Variants in LRCH4 observed in about 807,000 individuals in gnomAD.
LRCH4 encodes the protein leucine-rich repeat and calponin homology domain-containing protein 4.
A neutral mutation model predicts 81.2 loss-of-function variants in LRCH4; 56 were observed. The ratio of observed to expected loss-of-function variants is 0.69; its 90% CI spans 0.56 to 0.86. The LOEUF (loss-of-function observed/expected upper bound fraction) is 0.86. Ranked by LOEUF, LRCH4 falls within the 40% of genes least tolerant of loss-of-function variation. The pLI, the probability that LRCH4 is intolerant of heterozygous loss-of-function variation, is 0.00. For synonymous variants in LRCH4, 442 were observed against 409.7 expected (o/e 1.08, Z -0.95); for missense variants, 895 against 922.8 (o/e 0.97, Z 0.39).
chr7:100,576,123 A>C (rs1801350624), intron 15 of LRCH4, 115 bp from the exon 16 acceptor site: 1 of 1,481,380 alleles, frequency 6.8e-7, no homozygotes, highest in Non-Finnish European at 9.2e-7. Context: ...TCCTGTCCTC[A>C]GGGGAGGTGC....
intron 14 of LRCH4, 38 bp downstream of exon 14, chr7:100,576,656 A>AAGCACTGGGTC: frequency 6.5e-7 from 1 of 1,527,870 alleles, no homozygotes; most frequent in Non-Finnish European, 8.9e-7. Flanking sequence ...TGGTGCTGGC[A>AAGCACTGGGTC]AGCACTGGGT....
intron 1 of LRCH4, chr7:100,584,897 AG>A: frequency 2.4e-6 from 1 of 410,194 alleles, no homozygotes; most frequent in South Asian, 1.8e-5. Flanking sequence ...TCGGGAATGC[AG>A]TCCTCCTCCC....
chr7:100,575,546 G>T lies in LRCH4; in HGVS notation c.1854+159C>A. ...ATGTGTAGGACAGGTGACATGCAGG[G>T]CAGGGGGCATGCAGGGCAGGGGGCA... On this transcript the variant is annotated intron_variant, in intron 17 of 17. Transcript: ENST00000310300. This position sits in a 1 kb window ranked among gnomAD's most constrained non-coding sequence, Gnocchi z 5.3. 1 of 948,370 alleles carries T rather than the reference G, an allele frequency of 1.1e-6. No individual in the cohort carries two copies. Among genetic ancestry groups the T allele is most frequent in the Non-Finnish European group, 1.7e-6 (1 of 582,896 alleles). 58.7% of individuals were successfully genotyped at this position (948,370 alleles called of 1,614,324 possible). A position where few individuals can be genotyped will look rare whatever the true frequency, so the allele number is the denominator to read the frequency against.
rs771090365 is a variant in LRCH4 at position 100,584,092 on chromosome 7, G to A, written c.221-1633C>T. 61 of 454,344 alleles carry A rather than the reference G, an allele frequency of 1.3e-4. 1 individual carries two copies. Among genetic ancestry groups the A allele is most frequent in the Non-Finnish European group, 2.6e-4 (58 of 225,258 alleles). 28.1% of individuals were successfully genotyped at this position (454,344 alleles called of 1,614,324 possible). A position where few individuals can be genotyped will look rare whatever the true frequency, so the allele number is the denominator to read the frequency against. ...CCAAGACTAGGCGACACGCAGCGAA[G>A]ACACTCAGAAAGAGATGGGAGACGG... On this transcript the variant is annotated intron_variant, in intron 1 of 17. Transcript: ENST00000310300.
intron 4 of LRCH4, chr7:100,580,879 TAC>T (rs926079648): frequency 1.3e-5 from 2 of 150,590 alleles, no homozygotes; most frequent in Non-Finnish European, 2.9e-5. Flanking sequence ...AACACATACA[TAC>T]ACACAGACAC....
rs373774291 is a variant in LRCH4, at chr7:100,577,604, G to A, written c.1117-46C>T. On this transcript the variant is annotated intron_variant, in intron 9 of 17. Transcript: ENST00000310300. This position sits in a 1 kb window ranked among gnomAD's most constrained non-coding sequence, Gnocchi z 6.7. ...CAGCTGAGGGCAGGCCTGTGCCCAC[G>A]CCTGCCCTGTCCCCTCCTCCAGCTC... 275 of 1,610,680 alleles carry A rather than the reference G, an allele frequency of 1.7e-4. No individual in the cohort carries two copies. Among genetic ancestry groups the A allele is most frequent in the South Asian group, 2.3e-4 (21 of 91,080 alleles).
intron 3 of LRCH4, 32 bp from the exon 4 acceptor site, chr7:100,581,914 T>A: frequency 6.2e-7 from 1 of 1,611,414 alleles, no homozygotes; most frequent in Non-Finnish European, 8.5e-7. Context: ...GAAGGGGCCA[T>A]GAGACCAGGC....
rs746531511 is a variant in LRCH4 at position 100,582,348 on chromosome 7, C to T, written c.332G>A (p.Gly111Glu). ...GAGGTAGGTGAGGGCTGTGAGATTC[C>T]CCAAGGCTGGGTTCAGGCATCTCAG... is the stretch of plus-strand genomic sequence containing the variant. Reference protein sequence around the residue: ...NCLRCLNPALGNLTALTYLNL... With the variant: ...NCLRCLNPALENLTALTYLNL... Residue 111 changes from glycine (G) to glutamate (E), a missense_variant, in exon 2 of 18, where the codon GGG becomes GAG. Physicochemically the swap from Gly to Glu is moderately conservative, Grantham distance 98 (BLOSUM62 -2). Transcript: ENST00000310300. The surrounding 1 kb of genome is among the most constrained non-coding windows in gnomAD (Gnocchi z 5.0). The T allele has an allele frequency of 3.1e-6, 5 of 1,614,184 alleles. No homozygotes were observed. The Admixed American group carries it at 6.7e-5, about 22-fold the overall frequency.
rs1801313314 is a variant in LRCH4, at chr7:100,575,319, A to G, written c.1855-15T>C. 1.3e-6 allele frequency: 2 copies of G among 1,529,118 alleles called. No homozygotes were observed. The highest frequency in any genetic ancestry group is 8.8e-7 in the Non-Finnish European group (1 of 1,133,224). 94.7% of individuals were successfully genotyped at this position (1,529,118 alleles called of 1,614,324 possible). A position where few individuals can be genotyped will look rare whatever the true frequency, so the allele number is the denominator to read the frequency against. ...CACAGGTCAGCCTGGGGGAGAGGAGAGCAGGTGGACAAGGACAAGGGACAG... is the reference window on the plus strand; with the variant it reads ...CACAGGTCAGCCTGGGGGAGAGGAGGGCAGGTGGACAAGGACAAGGGACAG... On this transcript the variant is annotated splice_polypyrimidine_tract_variant and intron_variant, in intron 17 of 17. Coordinates refer to ENST00000310300, the MANE Select transcript of LRCH4 (RefSeq NM_002319.5). The surrounding 1 kb of genome is among the most constrained non-coding windows in gnomAD (Gnocchi z 5.3).
rs1439965145 is a variant in LRCH4 at position 100,576,733 on chromosome 7, T to C, written c.1513A>G (p.Asn505Asp). The C allele has an allele frequency of 6.3e-7, 1 of 1,598,836 alleles. No homozygotes were observed. The highest frequency in any genetic ancestry group is 8.5e-7 in the Non-Finnish European group (1 of 1,172,784). ...GAGGAGGAACGGAAGAGGAAGCTGT[T>C]TGGTCTCTGAATGGAGCCAAGTGGC... Reference protein sequence around the residue: ...PRPLGSIQRPNSFLFRSSSQS... With the variant: ...PRPLGSIQRPDSFLFRSSSQS... The change falls in exon 14 of 18, where the codon AAC (asparagine) becomes GAC (aspartate). Residue 505 changes from asparagine (N) to aspartate (D), a missense_variant. By Grantham distance (23) the Asn-to-Asp change is conservative (BLOSUM62 1). Coordinates refer to ENST00000310300, the MANE Select transcript of LRCH4 (RefSeq NM_002319.5).
chr7:100,579,016 A>G, intron 4 of LRCH4: 1 of 552,632 alleles, frequency 1.8e-6, no homozygotes, highest in Non-Finnish European at 3.2e-6. Flanking sequence ...ACGTCAGCTC[A>G]GCTTCCCCGG....
Position 100,575,841 on chromosome 7 carries a change from T to C in LRCH4, c.1776+30A>G. 2.5e-6 allele frequency: 4 copies of C among 1,609,824 alleles called. No individual in the cohort carries two copies. The highest frequency in any genetic ancestry group is 2.7e-5 in the African/African-American group (2 of 74,848). On this transcript the variant is annotated intron_variant, in intron 16 of 17. Coordinates refer to ENST00000310300, the MANE Select transcript of LRCH4 (RefSeq NM_002319.5). The surrounding 1 kb of genome is among the most constrained non-coding windows in gnomAD (Gnocchi z 5.3). ...GAGAGGCCACAGGCGCCCCGGCCCA[T>C]CCCCCACCTCTTCCCCAGCCCCAAC...
rs1367293703 is a variant in LRCH4 at position 100,578,359 on chromosome 7, C to G, written c.848+40G>C. 4 of 1,602,744 alleles carry G rather than the reference C, an allele frequency of 2.5e-6. No homozygotes were observed. Among genetic ancestry groups the G allele is most frequent in the Non-Finnish European group, 3.4e-6 (4 of 1,170,188 alleles). ...GTGCCTGGGGCCGGGAAGGGGCATT[C>G]AGTATCCCAGGGCTTCCTTCCTCCC... On this transcript the variant is annotated intron_variant, in intron 6 of 17. Transcript: ENST00000310300. This position sits in a 1 kb window ranked among gnomAD's most constrained non-coding sequence, Gnocchi z 5.7.
At position 100,574,987 on chromosome 7, in the gene LRCH4, G is replaced by C; in HGVS notation, c.*120C>G. ...TGGGGCCTCTGAGGTCAGTGTCTGTGAAGGGGGTGCACTAGTGTCTTTGGT... is the reference window on the plus strand; with the variant it reads ...TGGGGCCTCTGAGGTCAGTGTCTGTCAAGGGGGTGCACTAGTGTCTTTGGT... On this transcript the variant is annotated 3_prime_UTR_variant, in exon 18 of 18. Coordinates refer to ENST00000310300, the MANE Select transcript of LRCH4 (RefSeq NM_002319.5). 2 of 968,568 alleles carry C rather than the reference G, an allele frequency of 2.1e-6. No individual in the cohort carries two copies. Among genetic ancestry groups the C allele is most frequent in the Admixed American group, 5.6e-5 (2 of 35,412 alleles). The allele number at this position is 968,568 out of a possible 1,614,324, so 60.0% of individuals were successfully genotyped here. A position where few individuals can be genotyped will look rare whatever the true frequency, so the allele number is the denominator to read the frequency against.
rs1220596344 is a variant in LRCH4, at chr7:100,577,738, C to G, written c.1042G>C (p.Asp348His). ...AAGTCAATCTGCACAGGGTCTCCGT[C>G]CGCTGGGGAGGCCAGCATGTCAGCA... is the stretch of plus-strand genomic sequence containing the variant. ...PRERKEDGSADGDPVQIDFID... is the reference protein window; with the variant it reads ...PRERKEDGSAHGDPVQIDFID... Residue 348 changes from aspartate to histidine, a missense_variant and splice_region_variant, in exon 9 of 18, where the codon GAC (aspartate) becomes CAC (histidine). Asp to His is a moderately conservative substitution (Grantham distance 81). This residue lies in a region of LRCH4 where 529 missense variants were observed against 504.9 expected (regional missense o/e 1.05). Coordinates refer to ENST00000310300, the MANE Select transcript of LRCH4 (RefSeq NM_002319.5). The surrounding 1 kb of genome is among the most constrained non-coding windows in gnomAD (Gnocchi z 6.7). 4.3e-6 allele frequency: 7 copies of G among 1,614,020 alleles called. No homozygotes were observed. The highest frequency in any genetic ancestry group is 5.9e-6 in the Non-Finnish European group (7 of 1,180,016).
At position 100,586,112 on chromosome 7, in the gene LRCH4, G is replaced by T. The variant is rs1341601963; in HGVS notation, c.-12C>A. 2 of 1,509,996 alleles carry T rather than the reference G, an allele frequency of 1.3e-6. No homozygotes were observed. The highest frequency in any genetic ancestry group is 1.8e-6 in the Non-Finnish European group (2 of 1,124,782). The allele number at this position is 1,509,996 out of a possible 1,614,324, so 93.5% of individuals were successfully genotyped here. A position where few individuals can be genotyped will look rare whatever the true frequency, so the allele number is the denominator to read the frequency against. On this transcript the variant is annotated 5_prime_UTR_variant, in exon 1 of 18. Coordinates refer to ENST00000310300, the MANE Select transcript of LRCH4 (RefSeq NM_002319.5). ...ACGGCCGCCGCCATCCGCTCCCGGCGGCTCCCGCTGCCTGACTGACGGGAC... is the reference window on the plus strand; with the variant it reads ...ACGGCCGCCGCCATCCGCTCCCGGCTGCTCCCGCTGCCTGACTGACGGGAC...
At chr7:100,580,312 C>T (rs1801487559) in intron 4 of LRCH4, 1 of 152,006 alleles carries the variant, frequency 6.6e-6, no homozygotes, top group African/African-American at 2.4e-5. Context: ...ACTGTCTCTC[C>T]TCAAGAAGCC....
intron 3 of LRCH4, 65 bp from the exon 4 acceptor site, chr7:100,581,947 C>G (rs1801573000): frequency 5.6e-6 from 9 of 1,609,446 alleles, no homozygotes; most frequent in African/African-American, 2.7e-5. Context: ...ACCCTCCCAT[C>G]TCTGTCTTTG....
intron 4 of LRCH4, chr7:100,580,569 CA>C (rs111713467): frequency 0.082 from 12,359 of 151,568 alleles, 556 homozygotes; most frequent in African/African-American, 0.12. Flanking sequence ...ACACACAACA[CA>C]TACAACACAC....
Sources: gnomAD v4.1 joint callset for allele counts on GRCh38, gnomAD v4.1.1 for gene constraint, gnomAD v4.1.1 regional missense constraint, Gnocchi (gnomAD v3.1) non-coding constraint, MANE v1.5 for transcripts, NCBI Gene and HGNC (gene_info 2026-07-23, HGNC 2026-07-21) for gene names.